RCAN2: variants seen among roughly 807,000 people sequenced by gnomAD.
RCAN2 encodes the protein regulator of calcineurin 2.
Under a neutral mutation model 23.6 loss-of-function variants are expected in RCAN2, and 9 were observed. The ratio of observed to expected loss-of-function variants is 0.38; its 90% CI spans 0.23 to 0.67. RCAN2 has a LOEUF of 0.67. RCAN2 is among the 30% of genes least tolerant of loss of function. The pLI is 0.51. For missense variants in RCAN2, 273 were observed against 302.3 expected, an observed-to-expected ratio of 0.90 and a Z score of 0.72; for synonymous variants, 109 against 115.7, an observed-to-expected ratio of 0.94 and a Z score of 0.37.
chr6:46,377,931 A>T (rs1344845045), intron 2 of RCAN2, among the ~76,000 whole-genome samples: 1 of 152,202 alleles, frequency 6.6e-6, no homozygotes, highest in Non-Finnish European at 1.5e-5. Context: ...GTGACCTAAT[A>T]AACTTGTTGT....
chr6:46,267,288 A>G (rs1767367149), intron 2 of RCAN2, among the ~76,000 whole-genome samples: 2 of 152,230 alleles, frequency 1.3e-5, no homozygotes. Context: ...ATACATAAAC[A>G]TAAGGACAAA....
chr6:46,295,513 G>T (rs534835497), intron 2 of RCAN2, among the ~76,000 whole-genome samples: 1 of 152,250 alleles, frequency 6.6e-6, no homozygotes, highest in East Asian at 1.9e-4. Context: ...AAGAAGTAGA[G>T]AGGGGTCACC....
intron 2 of RCAN2, among the ~76,000 whole-genome samples, chr6:46,332,106 G>A (rs1763993257): frequency 2.0e-5 from 3 of 152,046 alleles, no homozygotes; most frequent in Non-Finnish European, 2.9e-5. Flanking sequence ...ACTAAGTTAG[G>A]TTCATCTGTT....
chr6:46,409,063 A>G (rs1766483526), intron 2 of RCAN2, among the ~76,000 whole-genome samples: 1 of 152,226 alleles, frequency 6.6e-6, no homozygotes, highest in African/African-American at 2.4e-5. Context: ...AATAAAATAG[A>G]TTCCATATAT....
intron 2 of RCAN2, among the ~76,000 whole-genome samples, chr6:46,308,100 C>A (rs1763126400): frequency 6.6e-6 from 1 of 152,134 alleles, no homozygotes; most frequent in South Asian, 2.1e-4. Flanking sequence ...GCCTGACAAC[C>A]CAGTTTGGAT....
At chr6:46,356,242 A>T (rs552981378) in intron 2 of RCAN2, among the ~76,000 whole-genome samples, 81 of 152,312 alleles carry the variant, frequency 5.3e-4, no homozygotes, top group Non-Finnish European at 4.7e-4. Flanking sequence ...GAACTGACAC[A>T]TATCAAAGGC....
At chr6:46,348,003 C>T (rs1465304390) in intron 2 of RCAN2, among the ~76,000 whole-genome samples, 3 of 152,088 alleles carry the variant, frequency 2.0e-5, no homozygotes, top group Non-Finnish European at 4.4e-5. Flanking sequence ...GGGAGGACAG[C>T]GTGGCCGAGT....
rs1453599868 is a variant in RCAN2, at chr6:46,432,940, C to G, written c.225+23812G>C. On this transcript the variant is annotated intron_variant, in intron 2 of 4. Coordinates refer to ENST00000371374, the MANE Select transcript of RCAN2 (RefSeq NM_001251974.2). Reference sequence around the variant, plus strand: ...AGAATGTTTTTGGAAACATTTTTAACAAAATCATTCCTGAATCTTTAAGTA... The same window carrying G: ...AGAATGTTTTTGGAAACATTTTTAAGAAAATCATTCCTGAATCTTTAAGTA... 2.0e-5 allele frequency among the ~76,000 whole-genome samples: 3 copies of G among 152,238 alleles called. No homozygotes were observed. The East Asian group carries it at 5.8e-4, about 29-fold the overall frequency.
chr6:46,268,228 T>G (rs1193791044), intron 2 of RCAN2, among the ~76,000 whole-genome samples: 1 of 152,234 alleles, frequency 6.6e-6, no homozygotes, highest in African/African-American at 2.4e-5. Flanking sequence ...TTTTTCCTCC[T>G]AAAATTCCTA....
intron 2 of RCAN2, chr6:46,325,624 C>CT: frequency 2.6e-5 from 37 of 1,438,898 alleles, no homozygotes; most frequent in Non-Finnish European, 3.1e-5. Flanking sequence ...CTGGAGCCCG[C>CT]TCCCACTGCA....
intron 2 of RCAN2, among the ~76,000 whole-genome samples, chr6:46,271,810 T>A (rs540389384): frequency 6.6e-6 from 1 of 152,314 alleles, no homozygotes; most frequent in East Asian, 1.9e-4. Context: ...AAGAAGTACA[T>A]CTCATGCTGA....
intron 4 of RCAN2, among the ~76,000 whole-genome samples, chr6:46,237,149 A>G (rs548478958): frequency 3.9e-4 from 60 of 152,308 alleles, no homozygotes; most frequent in African/African-American, 1.4e-3. Flanking sequence ...TTTCACTTTT[A>G]ATACATTTTC....
chr6:46,445,891 T>C (rs1767689950), intron 2 of RCAN2, among the ~76,000 whole-genome samples: 1 of 152,018 alleles, frequency 6.6e-6, no homozygotes, highest in African/African-American at 2.4e-5. Flanking sequence ...TTAAAGTGAA[T>C]GAAAATGCAT....
intron 2 of RCAN2, among the ~76,000 whole-genome samples, chr6:46,328,812 T>A (rs570643717): frequency 6.6e-6 from 1 of 152,342 alleles, no homozygotes; most frequent in African/African-American, 2.4e-5. Flanking sequence ...GGTTTCACCA[T>A]GTTGGCCAGG....
intron 2 of RCAN2, chr6:46,325,347 A>G: frequency 1.2e-6 from 2 of 1,608,328 alleles, no homozygotes; most frequent in South Asian, 2.2e-5. Context: ...TCTGCCAAGC[A>G]GCGTCAGTAA....
At chr6:46,485,759 G>A (rs1239416449) in intron 1 of RCAN2, among the ~76,000 whole-genome samples, 1 of 151,812 alleles carries the variant, frequency 6.6e-6, no homozygotes, top group Non-Finnish European at 1.5e-5. Flanking sequence ...CACCCCTCTG[G>A]CAGTACCTCT....
rs70996369 is a variant in RCAN2, at chr6:46,418,695, G to GTATATATATATATA, written c.225+38043_225+38056dup. 2.3e-3 allele frequency among the ~76,000 whole-genome samples: 280 copies of GTATATATATATATA among 121,308 alleles called. 2 individuals are homozygous for GTATATATATATATA. Among genetic ancestry groups the GTATATATATATATA allele is most frequent in the South Asian group, 9.7e-3 (33 of 3,408 alleles). 79.6% of individuals were successfully genotyped at this position (121,308 alleles called of 152,430 possible). On this transcript the variant is annotated intron_variant, in intron 2 of 4. Transcript: ENST00000371374. ...AATCATCTCTAAAATATGTGTGTGT[G>GTATATATATATATA]TATATATATATATATATATATATAT...
chr6:46,266,595 T>C (rs1025595835), intron 2 of RCAN2, among the ~76,000 whole-genome samples: 1 of 152,196 alleles, frequency 6.6e-6, no homozygotes, highest in Non-Finnish European at 1.5e-5. Context: ...TTGTGTTGCC[T>C]AATCCTGGTA....
chr6:46,358,070 A>G (rs2150381773), intron 2 of RCAN2, among the ~76,000 whole-genome samples: 1 of 152,340 alleles, frequency 6.6e-6, no homozygotes. Flanking sequence ...AATTAGAGGT[A>G]CAGACGGAAA....
Sources: gnomAD v4.1 joint callset for allele counts (sites outside exome capture counted in the v4.1 genomes callset) on GRCh38, gnomAD v4.1.1 for gene constraint, MANE v1.5 for transcripts, NCBI Gene and HGNC (gene_info 2026-07-23, HGNC 2026-07-21) for gene names.